The following HSD17B2 variants were observed in gnomAD, a reference collection of about 807,000 sequenced individuals.
The protein encoded by HSD17B2 is hydroxysteroid 17-beta dehydrogenase 2, also known as 17-beta-hydroxysteroid dehydrogenase type 2.
Under a neutral mutation model 26.9 loss-of-function variants are expected in HSD17B2, and 32 were observed. That is an observed-to-expected ratio of 1.19 (90% confidence interval 0.90 to 1.60). HSD17B2 has a LOEUF of 1.60. HSD17B2 is among the 40% of genes most tolerant of loss of function. The pLI is 0.00. For missense variants in HSD17B2, 613 were observed against 468.6 expected (o/e 1.31, Z -2.85); for synonymous variants, 246 against 186.7 (o/e 1.32, Z -2.59).
At chr16:82,050,709 G>A (rs755206270) in intron 1 of HSD17B2, among the ~76,000 whole-genome samples, 10 of 152,084 alleles carry the variant, frequency 6.6e-5, no homozygotes, top group African/African-American at 2.2e-4. Context: ...TCTTTTCACC[G>A]GGAATGCTTT....
intron 4 of HSD17B2, 91 bp downstream of exon 4, chr16:82,091,130 C>A: frequency 7.9e-7 from 1 of 1,258,120 alleles, no homozygotes; most frequent in Non-Finnish European, 1.2e-6. Context: ...TTGAACCCCT[C>A]ATTGTTGTCA....
At chr16:82,059,326 AC>A (rs1914364904) in intron 1 of HSD17B2, among the ~76,000 whole-genome samples, 1 of 152,204 alleles carries the variant, frequency 6.6e-6, no homozygotes, top group Non-Finnish European at 1.5e-5. Context: ...TGTTGTGACA[AC>A]CAAAAATGTT....
At position 82,070,767 on chromosome 16, in the gene HSD17B2, CCTCCCA is replaced by C. The variant is rs979244130; in HGVS notation, c.479-163_479-158del. On this transcript the variant is annotated intron_variant, in intron 2 of 4. Transcript: ENST00000199936. ...TCTAGCTTCCTGTTACAGGAATTCC[CCTCCCA>C]CTCCCACTCCCTTTCCCTAAGGCTC... is the stretch of plus-strand genomic sequence containing the variant. 49 of 599,148 alleles carry C rather than the reference CCTCCCA, an allele frequency of 8.2e-5. 1 individual carries two copies. The highest frequency in any genetic ancestry group is 3.0e-5 in the Non-Finnish European group (10 of 337,846). 37.1% of individuals were successfully genotyped at this position (599,148 alleles called of 1,614,324 possible). A position where few individuals can be genotyped will look rare whatever the true frequency, so the allele number is the denominator to read the frequency against.
chr16:82,089,197 T>A (rs983123775), intron 3 of HSD17B2, among the ~76,000 whole-genome samples: 3 of 152,220 alleles, frequency 2.0e-5, no homozygotes, highest in Admixed American at 2.0e-4. Context: ...TGTTGAACTT[T>A]ACATGAAGGG....
At chr16:82,097,250 A>ACG (rs1904869410) in intron 4 of HSD17B2, 2 of 121,390 alleles carry the variant, frequency 1.6e-5, no homozygotes, top group African/African-American at 5.5e-5. Flanking sequence ...GTCTATGTCT[A>ACG]TGTCTATGTC....
intron 2 of HSD17B2, among the ~76,000 whole-genome samples, chr16:82,069,792 C>G (rs1484563943): frequency 1.3e-5 from 2 of 152,116 alleles, no homozygotes; most frequent in Non-Finnish European, 2.9e-5. Context: ...ACATGGGGCC[C>G]CTAGCTTGAT....
intron 3 of HSD17B2, among the ~76,000 whole-genome samples, chr16:82,075,121 T>A (rs1904294706): frequency 6.6e-6 from 1 of 151,834 alleles, no homozygotes; most frequent in Admixed American, 6.6e-5. Flanking sequence ...TGAAAAAAAT[T>A]AAGAAGGAAA....
At chr16:82,061,318 G>C (rs1914432889) in intron 1 of HSD17B2, among the ~76,000 whole-genome samples, 1 of 151,754 alleles carries the variant, frequency 6.6e-6, no homozygotes, top group Admixed American at 6.6e-5. Flanking sequence ...CTTTGTGCCA[G>C]ACCTTGTTCC....
At chr16:82,073,946 A>C (rs1168874921) in intron 3 of HSD17B2, among the ~76,000 whole-genome samples, 1 of 152,232 alleles carries the variant, frequency 6.6e-6, no homozygotes, top group Non-Finnish European at 1.5e-5. Context: ...ACCTGAATTC[A>C]AACTATACTA....
intron 1 of HSD17B2, among the ~76,000 whole-genome samples, chr16:82,048,422 G>T (rs1479038179): frequency 1.3e-5 from 2 of 152,200 alleles, no homozygotes; most frequent in East Asian, 1.9e-4. Flanking sequence ...AGGAGTCCCA[G>T]TGCAAAGGCA....
At chr16:82,087,331 A>G (rs1298501951) in intron 3 of HSD17B2, among the ~76,000 whole-genome samples, 1 of 152,246 alleles carries the variant, frequency 6.6e-6, no homozygotes, top group African/African-American at 2.4e-5. Flanking sequence ...TTAAAAAATT[A>G]GAGGCTGTAA....
At chr16:82,088,551 C>G (rs1435855146) in intron 3 of HSD17B2, among the ~76,000 whole-genome samples, 1 of 152,184 alleles carries the variant, frequency 6.6e-6, no homozygotes, top group East Asian at 1.9e-4. Flanking sequence ...GACCAACCTT[C>G]AACATCTATA....
chr16:82,064,790 C>T (rs1914532514), intron 1 of HSD17B2, among the ~76,000 whole-genome samples: 1 of 152,366 alleles, frequency 6.6e-6, no homozygotes. Context: ...CTGTGGACAA[C>T]ATCTGACCTC....
At chr16:82,083,626 C>A (rs1349638375) in intron 3 of HSD17B2, among the ~76,000 whole-genome samples, 3 of 152,176 alleles carry the variant, frequency 2.0e-5, no homozygotes, top group Non-Finnish European at 4.4e-5. Flanking sequence ...CCATGAGGAT[C>A]TGGGGCAGCA....
chr16:82,098,269 A>G lies in HSD17B2; in HGVS notation c.997A>G (p.Ser333Gly), dbSNP rs1904915064. ...CATCCAGCATGCTATCTTGGCGAAG[A>G]GCCCTTTTGCCTATTACACGCCAGG... is the stretch of plus-strand genomic sequence containing the variant. ...RDIQHAILAK[S>G]PFAYYTPGKG... The change falls in exon 5 of 5, where the codon AGC becomes GGC. Residue 333 changes from serine to glycine, a missense_variant. Physicochemically the swap from Ser to Gly is moderately conservative, Grantham distance 56. Transcript: ENST00000199936. 2.5e-6 allele frequency: 4 copies of G among 1,614,172 alleles called. No individual in the cohort carries two copies. The highest frequency in any genetic ancestry group is 3.4e-6 in the Non-Finnish European group (4 of 1,180,024).
intron 1 of HSD17B2, among the ~76,000 whole-genome samples, chr16:82,043,299 C>A (rs943222816): frequency 9.9e-5 from 15 of 152,136 alleles, no homozygotes; most frequent in African/African-American, 3.6e-4. Flanking sequence ...TCTCCCCTGG[C>A]CTGCCCTCCT....
intron 1 of HSD17B2, among the ~76,000 whole-genome samples, chr16:82,049,864 G>T (rs1158818255): frequency 1.3e-5 from 2 of 152,232 alleles, no homozygotes; most frequent in Non-Finnish European, 1.5e-5. Flanking sequence ...CCATAGTGGG[G>T]CTGCATGCAT....
intron 1 of HSD17B2, among the ~76,000 whole-genome samples, chr16:82,059,706 A>T (rs955037397): frequency 6.6e-6 from 1 of 152,208 alleles, no homozygotes; most frequent in Non-Finnish European, 1.5e-5. Context: ...ATGTGTCAGA[A>T]GTTAAAAGTG....
intron 1 of HSD17B2, among the ~76,000 whole-genome samples, chr16:82,036,332 GTGTGTGT>G (rs1345690226): frequency 7.0e-6 from 1 of 143,620 alleles, no homozygotes; most frequent in Non-Finnish European, 1.5e-5. Flanking sequence ...GTGTGTGTGT[GTGTGTGT>G]GTGTGTGTGT....
Sources: gnomAD v4.1 joint callset for allele counts (sites outside exome capture counted in the v4.1 genomes callset) on GRCh38, gnomAD v4.1.1 for gene constraint, MANE v1.5 for transcripts, NCBI Gene and HGNC (gene_info 2026-07-23, HGNC 2026-07-21) for gene names.